STK33: variants seen among roughly 807,000 people sequenced by gnomAD.
STK33 encodes serine/threonine-protein kinase 33.
In STK33, 52 loss-of-function variants were observed where a neutral mutation model predicts 58.0. That is an observed-to-expected ratio of 0.90 (90% CI 0.72 to 1.13). The LOEUF (loss-of-function observed/expected upper bound fraction) is 1.13. STK33 is among the 50% of genes most tolerant of loss of function. The pLI is 0.00. For missense variants in STK33, 630 were observed against 604.2 expected, an observed-to-expected ratio of 1.04 and a Z score of -0.45; for synonymous variants, 215 against 200.1, an observed-to-expected ratio of 1.07 and a Z score of -0.63.
intron 1 of STK33, among the ~76,000 whole-genome samples, chr11:8,541,983 T>C (rs1955556615): frequency 6.6e-6 from 1 of 152,212 alleles, no homozygotes; most frequent in Non-Finnish European, 1.5e-5. Context: ...GAACAGTCTC[T>C]ATAATAATGG....
At chr11:8,522,640 A>G (rs1447803553) in intron 1 of STK33, among the ~76,000 whole-genome samples, 1 of 152,238 alleles carries the variant, frequency 6.6e-6, no homozygotes, top group Non-Finnish European at 1.5e-5. Flanking sequence ...AAGCACATGC[A>G]ATAAAAGCAA....
chr11:8,422,796 C>T (rs1171576471), intron 14 of STK33, among the ~76,000 whole-genome samples: 1 of 151,774 alleles, frequency 6.6e-6, no homozygotes, highest in East Asian at 1.9e-4. Flanking sequence ...CGGCTATATT[C>T]CCTTTTCCAT....
chr11:8,512,756 C>G (rs1952440631), intron 1 of STK33, among the ~76,000 whole-genome samples: 1 of 152,184 alleles, frequency 6.6e-6, no homozygotes, highest in South Asian at 2.1e-4. Flanking sequence ...TTCCCCATCT[C>G]ATAGAGTCAG....
chr11:8,377,204 T>C, the STK33 span, among the ~76,000 whole-genome samples: 1 of 152,244 alleles, frequency 6.6e-6, no homozygotes, highest in African/African-American at 2.4e-5. Flanking sequence ...GACCAGTAGA[T>C]ACCCCTATAG....
chr11:8,450,682 C>T (rs1946168949), intron 11 of STK33, among the ~76,000 whole-genome samples: 1 of 151,764 alleles, frequency 6.6e-6, no homozygotes, highest in African/African-American at 2.4e-5. Flanking sequence ...ACCCTAACAT[C>T]AGAAAAGACA....
chr11:8,443,097 A>G (rs571698066), intron 11 of STK33, among the ~76,000 whole-genome samples: 1 of 152,302 alleles, frequency 6.6e-6, no homozygotes, highest in South Asian at 2.1e-4. Flanking sequence ...AGTAAACTAT[A>G]TTCCTAAAAA....
In STK33 at chr11:8,543,311, A is replaced by G. The variant is rs192779407; in HGVS notation, c.-466+50772T>C. Reference sequence around the variant, plus strand: ...TCAAAAATATATTTTTAACTATGGGAATTAAAACATTATTATTTTATTTGG... The same window carrying G: ...TCAAAAATATATTTTTAACTATGGGGATTAAAACATTATTATTTTATTTGG... On this transcript the variant is annotated intron_variant, in intron 1 of 15. Transcript: ENST00000687296. 5.3e-5 allele frequency among the ~76,000 whole-genome samples: 8 copies of G among 152,352 alleles called. 1 individual carries two copies. Among genetic ancestry groups the G allele is most frequent in the Admixed American group, 5.2e-4 (8 of 15,306 alleles).
the STK33 span, among the ~76,000 whole-genome samples, chr11:8,371,734 T>G: frequency 8.1e-6 from 1 of 123,716 alleles, no homozygotes; most frequent in South Asian, 3.6e-4. Flanking sequence ...CCTTCTTCTC[T>G]CCCTCCCTCC....
At chr11:8,435,628 T>G in intron 13 of STK33, 49 bp from the exon 14 acceptor site, 1 of 1,147,618 alleles carries the variant, frequency 8.7e-7, no homozygotes, top group Non-Finnish European at 1.2e-6. Flanking sequence ...CTACAATTAA[T>G]AGCATACATT....
At chr11:8,529,681 T>G (rs1214505339) in intron 1 of STK33, among the ~76,000 whole-genome samples, 1 of 150,852 alleles carries the variant, frequency 6.6e-6, no homozygotes. Flanking sequence ...ATAATAGGAG[T>G]CTCAGAGTGA....
At chr11:8,515,884 C>A (rs1015616162) in intron 1 of STK33, among the ~76,000 whole-genome samples, 1 of 152,182 alleles carries the variant, frequency 6.6e-6, no homozygotes, top group African/African-American at 2.4e-5. Flanking sequence ...TAGTTAACAT[C>A]ACACTCAAAG....
Position 8,485,335 on chromosome 11 carries a change from C to T in STK33, c.-465-4721G>A, listed in dbSNP as rs113910354. ...AGTGATAAAATTATATACTTTTACA[C>T]AGGCCTTCAAATTCAAAGAACGTTG... On this transcript the variant is annotated intron_variant, in intron 1 of 15. Transcript: ENST00000687296. Among the ~76,000 whole-genome samples the T allele has an allele frequency of 9.7e-3, 1,476 of 152,262 alleles. 20 individuals are homozygous for T. Among genetic ancestry groups the T allele is most frequent in the African/African-American group, 0.033 (1,371 of 41,558 alleles).
chr11:8,454,876 A>G, intron 9 of STK33, 44 bp from the exon 10 acceptor site: 2 of 1,479,400 alleles, frequency 1.4e-6, no homozygotes, highest in Non-Finnish European at 1.8e-6. Flanking sequence ...TGAATAATGG[A>G]AAAATAGGAG....
At chr11:8,577,994 G>A (rs1453659517) in intron 1 of STK33, among the ~76,000 whole-genome samples, 2 of 152,066 alleles carry the variant, frequency 1.3e-5, no homozygotes, top group South Asian at 4.1e-4. Context: ...CTTTAGGAAT[G>A]AAAGTTTCAC....
At chr11:8,523,768 T>A (rs1371087083) in intron 1 of STK33, among the ~76,000 whole-genome samples, 39 of 151,972 alleles carry the variant, frequency 2.6e-4, no homozygotes, top group Non-Finnish European at 1.3e-4. Context: ...GGCCGCCGCG[T>A]CTGGGAAGTG....
chr11:8,526,271 A>T (rs188248084), intron 1 of STK33, among the ~76,000 whole-genome samples: 203 of 152,150 alleles, frequency 1.3e-3, no homozygotes, highest in African/African-American at 4.7e-3. Context: ...TCAAGCCTGT[A>T]ATCCCAGCTA....
At chr11:8,566,778 G>A (rs1957472299) in intron 1 of STK33, among the ~76,000 whole-genome samples, 1 of 152,168 alleles carries the variant, frequency 6.6e-6, no homozygotes, top group South Asian at 2.1e-4. Flanking sequence ...ATATTGCCAA[G>A]TGATAGACTG....
At chr11:8,425,517 G>C (rs1942611963) in intron 14 of STK33, among the ~76,000 whole-genome samples, 1 of 152,102 alleles carries the variant, frequency 6.6e-6, no homozygotes, top group African/African-American at 2.4e-5. Context: ...TTCCAATTCT[G>C]TGAAGAAAGT....
chr11:8,440,685 A>T lies in STK33; in HGVS notation c.940T>A (p.Tyr314Asn). The change falls in exon 12 of 16, where the codon TAC becomes AAC. Residue 314 changes from tyrosine (Y) to asparagine (N), a missense_variant. Transcript: ENST00000687296. ...CDIWSIGVVM[Y>N]MLLRGEPPFL... ...ATTTAGCAGGCTACTTACAACATGT[A>T]CATTACGACGCCTATGCTCCAAATG... is the stretch of plus-strand genomic sequence containing the variant. 1 of 1,563,544 alleles carries T rather than the reference A, an allele frequency of 6.4e-7. No individual in the cohort carries two copies. The highest frequency in any genetic ancestry group is 8.7e-7 in the Non-Finnish European group (1 of 1,151,904).
Sources: allele counts gnomAD v4.1 joint callset (sites outside exome capture counted in the v4.1 genomes callset), GRCh38; gene constraint gnomAD v4.1.1; transcripts MANE v1.5; gene names NCBI Gene and HGNC (gene_info 2026-07-23, HGNC 2026-07-21).